SLC39A11: variants seen among roughly 807,000 people sequenced by gnomAD.
SLC39A11 encodes the protein solute carrier family 39 member 11.
A neutral mutation model predicts 36.1 loss-of-function variants in SLC39A11; 33 were observed. The ratio of observed to expected loss-of-function variants is 0.91; its 90% CI spans 0.69 to 1.22. The LOEUF is 1.22. Among genes scored for constraint, SLC39A11 ranks in the 50% most tolerant of loss-of-function variants. The pLI is 0.00. For missense variants in SLC39A11, 432 were observed against 430.3 expected, an observed-to-expected ratio of 1.00 and a Z score of -0.03; for synonymous variants, 166 against 170.3, an observed-to-expected ratio of 0.97 and a Z score of 0.20.
At chr17:72,812,326 A>G (rs563623755) in intron 6 of SLC39A11, among the ~76,000 whole-genome samples, 1 of 152,314 alleles carries the variant, frequency 6.6e-6, no homozygotes, top group South Asian at 2.1e-4. Context: ...TCACTGCTGT[A>G]TCCTAGACAT....
chr17:73,036,587 C>T (rs2058923275), intron 3 of SLC39A11, among the ~76,000 whole-genome samples: 1 of 152,160 alleles, frequency 6.6e-6, no homozygotes, highest in Admixed American at 6.5e-5. Flanking sequence ...GCTGGGATTA[C>T]AGGTGCCCAC....
intron 5 of SLC39A11, among the ~76,000 whole-genome samples, chr17:72,891,687 A>G (rs2081752301): frequency 1.3e-5 from 2 of 152,044 alleles, no homozygotes; most frequent in African/African-American, 4.8e-5. Flanking sequence ...ACTTGGCATT[A>G]TTACACATAT....
chr17:72,784,778 C>G (rs1400717109), intron 6 of SLC39A11, among the ~76,000 whole-genome samples: 1 of 152,120 alleles, frequency 6.6e-6, no homozygotes, highest in Non-Finnish European at 1.5e-5. Context: ...TGAGACCCCC[C>G]AGAAGCTGAG....
chr17:72,662,841 A>G (rs1018743121), intron 7 of SLC39A11, among the ~76,000 whole-genome samples: 2 of 152,218 alleles, frequency 1.3e-5, no homozygotes, highest in African/African-American at 4.8e-5. Context: ...AGAGAAAGAA[A>G]GACAGGCACA....
At chr17:72,760,366 A>G (rs2075531618) in intron 6 of SLC39A11, among the ~76,000 whole-genome samples, 1 of 152,226 alleles carries the variant, frequency 6.6e-6, no homozygotes, top group South Asian at 2.1e-4. Flanking sequence ...TTTAGAAAAG[A>G]CATCCAAGAA....
intron 7 of SLC39A11, among the ~76,000 whole-genome samples, chr17:72,736,401 G>T (rs905211580): frequency 3.3e-5 from 5 of 152,138 alleles, no homozygotes; most frequent in South Asian, 4.1e-4. Flanking sequence ...TACAGCTTGC[G>T]ATTCTATCCA....
At chr17:72,889,984 G>T (rs1048810757) in intron 5 of SLC39A11, among the ~76,000 whole-genome samples, 1 of 151,912 alleles carries the variant, frequency 6.6e-6, no homozygotes, top group Non-Finnish European at 1.5e-5. Context: ...GGCAGGGCAG[G>T]CATGGTGGCT....
intron 6 of SLC39A11, among the ~76,000 whole-genome samples, chr17:72,753,767 AG>A (rs928253564): frequency 6.6e-6 from 1 of 151,660 alleles, no homozygotes; most frequent in Non-Finnish European, 1.5e-5. Context: ...TTTCCCTAAC[AG>A]GCCTCCCTGA....
intron 3 of SLC39A11, chr17:73,068,131 T>C: frequency 7.4e-7 from 1 of 1,349,708 alleles, no homozygotes; most frequent in Non-Finnish European, 1.1e-6. Context: ...TGTCAATTTT[T>C]TTCTTGGTGT....
chr17:73,084,309 T>C lies in SLC39A11; in HGVS notation c.147+499A>G, dbSNP rs111787224. Among the ~76,000 whole-genome samples the C allele has an allele frequency of 5.3e-5, 8 of 151,962 alleles. No individual in the cohort carries two copies. The Middle Eastern group carries it at 0.01, about 194-fold the overall frequency. On this transcript the variant is annotated intron_variant, in intron 3 of 9. Transcript: ENST00000255559. ...AAAATCAGCCAGGCACGTTGGCACA[T>C]GCCTGTAGTCCCAGCTACTTGGGAG...
At chr17:72,715,940 GCCC>G (rs2073343359) in intron 7 of SLC39A11, among the ~76,000 whole-genome samples, 1 of 152,056 alleles carries the variant, frequency 6.6e-6, no homozygotes, top group South Asian at 2.1e-4. Context: ...CAAGTGATCC[GCCC>G]GCTTCAGCCT....
chr17:72,743,977 C>G (rs1428772899), intron 6 of SLC39A11, among the ~76,000 whole-genome samples: 1 of 152,154 alleles, frequency 6.6e-6, no homozygotes, highest in African/African-American at 2.4e-5. Flanking sequence ...AGCACCAAAG[C>G]GGAAGGAGCT....
chr17:72,707,405 C>T (rs1177524755), intron 7 of SLC39A11, among the ~76,000 whole-genome samples: 2 of 151,914 alleles, frequency 1.3e-5, no homozygotes, highest in Non-Finnish European at 2.9e-5. Flanking sequence ...CAGAAAGAGA[C>T]CCCGAATGAC....
rs577908464 is a variant in SLC39A11, at chr17:72,927,085, C to T, written c.430+20667G>A. On this transcript the variant is annotated intron_variant, in intron 5 of 9. Transcript: ENST00000255559. ...TTACTGAGACAGAGTCTCCCTCTGT[C>T]GCCCAGGCTGGAGTGCAGTGGTGTG... 5.3e-5 allele frequency among the ~76,000 whole-genome samples: 8 copies of T among 152,242 alleles called. No individual in the cohort carries two copies. In the South Asian group the frequency reaches 6.2e-4, roughly 12 times the overall value.
intron 6 of SLC39A11, among the ~76,000 whole-genome samples, chr17:72,794,828 T>C (rs2076840291): frequency 1.3e-5 from 2 of 151,896 alleles, no homozygotes; most frequent in Admixed American, 1.3e-4. Context: ...ACCCAACATT[T>C]AGCAGCTCAA....
intron 6 of SLC39A11, among the ~76,000 whole-genome samples, chr17:72,785,276 C>A (rs946011674): frequency 6.6e-6 from 1 of 152,168 alleles, no homozygotes; most frequent in African/African-American, 2.4e-5. Context: ...AAATTACCAT[C>A]AAGGAGGTTT....
chr17:72,850,548 T>C (rs539253936), intron 5 of SLC39A11, among the ~76,000 whole-genome samples: 1 of 152,216 alleles, frequency 6.6e-6, no homozygotes, highest in Admixed American at 6.5e-5. Context: ...TGTGGTATCC[T>C]AGCAATGCCT....
chr17:73,021,637 T>G (rs1339371713), intron 4 of SLC39A11, among the ~76,000 whole-genome samples: 1 of 152,108 alleles, frequency 6.6e-6, no homozygotes, highest in Non-Finnish European at 1.5e-5. Context: ...TCTTTCCCCT[T>G]CCATACTCAT....
chr17:72,865,467 T>G (rs1201545480), intron 5 of SLC39A11, among the ~76,000 whole-genome samples: 1 of 134,308 alleles, frequency 7.4e-6, no homozygotes, highest in Non-Finnish European at 1.6e-5. Context: ...AGGGTATGAG[T>G]TTCTACTTTC....
Sources: gnomAD v4.1 joint callset for allele counts (sites outside exome capture counted in the v4.1 genomes callset) on GRCh38, gnomAD v4.1.1 for gene constraint, MANE v1.5 for transcripts, NCBI Gene and HGNC (gene_info 2026-07-23, HGNC 2026-07-21) for gene names.